LAMA2: variants seen among roughly 807,000 people sequenced by gnomAD.
LAMA2 encodes laminin subunit alpha-2.
A neutral mutation model predicts 364.8 loss-of-function variants in LAMA2; 269 were observed. The observed-to-expected ratio is 0.74, with a 90% CI of 0.67 to 0.82. The LOEUF (loss-of-function observed/expected upper bound fraction) is 0.82. LAMA2 is among the 40% of genes least tolerant of loss of function. The probability of loss-of-function intolerance (pLI) is 0.00; values close to 1 mark genes in which losing one functional copy is unlikely to be tolerated. For synonymous variants in LAMA2, 1,379 were observed against 1,370.6 expected (o/e 1.01, Z -0.14); for missense variants, 3,807 against 3,873.2 (o/e 0.98, Z 0.45).
chr6:129,310,262 A>G (rs1048414551), intron 22 of LAMA2, among the ~76,000 whole-genome samples: 7 of 152,226 alleles, frequency 4.6e-5, no homozygotes, highest in Non-Finnish European at 8.8e-5. Flanking sequence ...ATGAAAGACA[A>G]TAGAGGAGGA....
chr6:129,398,201 C>G (rs1463139073), intron 37 of LAMA2, among the ~76,000 whole-genome samples: 1 of 152,120 alleles, frequency 6.6e-6, no homozygotes, highest in Non-Finnish European at 1.5e-5. Flanking sequence ...TCTGTACATG[C>G]TATACTTTAA....
intron 9 of LAMA2, among the ~76,000 whole-genome samples, chr6:129,175,057 C>T (rs1309974356): frequency 6.6e-6 from 1 of 152,190 alleles, no homozygotes; most frequent in Non-Finnish European, 1.5e-5. Context: ...CCTTTGCAAA[C>T]TTTATTAAAA....
At chr6:128,969,442 A>AT (rs1298091138) in intron 1 of LAMA2, among the ~76,000 whole-genome samples, 20 of 151,922 alleles carry the variant, frequency 1.3e-4, no homozygotes, top group Non-Finnish European at 2.9e-4. Context: ...ATTTATTTTT[A>AT]TTTTTTTGAA....
chr6:129,162,309 T>C (rs567779423), intron 8 of LAMA2, among the ~76,000 whole-genome samples: 2 of 152,322 alleles, frequency 1.3e-5, no homozygotes, highest in Non-Finnish European at 2.9e-5. Context: ...AATGTTGTCA[T>C]TTTTGTTTGA....
At position 129,288,117 on chromosome 6, in the gene LAMA2, T is replaced by C. The variant is rs936601338; in HGVS notation, c.2749+59T>C. The stretch of plus-strand genomic sequence containing the variant: ...TTGATGTATTGTACCTCAAAGTAGC[T>C]GATGAGTTCTTGAGTGTGGATTGAA... On this transcript the variant is annotated intron_variant, in intron 19 of 64. Transcript: ENST00000421865. The C allele has an allele frequency of 5.4e-5, 76 of 1,414,744 alleles. No homozygotes were observed. The African/African-American group carries it at 9.0e-4, about 17-fold the overall frequency. 87.6% of individuals were successfully genotyped at this position (1,414,744 alleles called of 1,614,324 possible). A position where few individuals can be genotyped will look rare whatever the true frequency, so the allele number is the denominator to read the frequency against.
chr6:129,265,348 C>T (rs775991273), intron 15 of LAMA2, among the ~76,000 whole-genome samples: 2 of 152,026 alleles, frequency 1.3e-5, no homozygotes, highest in African/African-American at 4.8e-5. Flanking sequence ...AGAAAGAAGA[C>T]GTGGTATGAG....
intron 4 of LAMA2, among the ~76,000 whole-genome samples, chr6:129,102,969 C>G (rs1047958410): frequency 1.3e-5 from 2 of 152,174 alleles, no homozygotes; most frequent in Non-Finnish European, 2.9e-5. Context: ...TTACGAAAGT[C>G]CCACCCATGC....
chr6:129,152,634 G>A (rs1778873639), intron 7 of LAMA2, among the ~76,000 whole-genome samples: 1 of 152,162 alleles, frequency 6.6e-6, no homozygotes, highest in Non-Finnish European at 1.5e-5. Flanking sequence ...GTACTAAAGT[G>A]ATGCTAGGAC....
intron 63 of LAMA2, among the ~76,000 whole-genome samples, chr6:129,513,130 A>G (rs1786734840): frequency 6.6e-6 from 1 of 152,196 alleles, no homozygotes; most frequent in Non-Finnish European, 1.5e-5. Flanking sequence ...CAAGTTTTCT[A>G]TTTGGTTATT....
At chr6:129,145,650 A>G (rs1778388491) in intron 5 of LAMA2, among the ~76,000 whole-genome samples, 1 of 151,910 alleles carries the variant, frequency 6.6e-6, no homozygotes, top group South Asian at 2.1e-4. Context: ...TGGGGTACAC[A>G]TCTATTATTT....
At chr6:129,098,840 T>A (rs1583038985) in intron 4 of LAMA2, among the ~76,000 whole-genome samples, 1 of 152,156 alleles carries the variant, frequency 6.6e-6, no homozygotes, top group Non-Finnish European at 1.5e-5. Context: ...TGAAAAGTAA[T>A]TCTTTCAATC....
At chr6:129,127,604 T>C (rs1430578357) in intron 4 of LAMA2, among the ~76,000 whole-genome samples, 1 of 152,240 alleles carries the variant, frequency 6.6e-6, no homozygotes, top group Admixed American at 6.5e-5. Flanking sequence ...CATGTAGTTT[T>C]CCATAATGGC....
chr6:129,120,520 A>T (rs1326764917), intron 4 of LAMA2, among the ~76,000 whole-genome samples: 3 of 152,190 alleles, frequency 2.0e-5, no homozygotes, highest in Non-Finnish European at 4.4e-5. Context: ...GGGGTTTCAG[A>T]TTTAAAAATC....
chr6:128,971,544 AAG>A (rs1460315859), intron 1 of LAMA2, among the ~76,000 whole-genome samples: 3 of 152,180 alleles, frequency 2.0e-5, no homozygotes, highest in Non-Finnish European at 4.4e-5. Flanking sequence ...GGTATTAAAT[AAG>A]AGAGAAATTA....
intron 34 of LAMA2, among the ~76,000 whole-genome samples, chr6:129,376,171 C>T (rs1277740792): frequency 6.6e-6 from 1 of 152,186 alleles, no homozygotes; most frequent in Admixed American, 6.5e-5. Flanking sequence ...TCTCATCTCT[C>T]CCCACTACTC....
At chr6:129,098,559 A>T in intron 4 of LAMA2, 144 bp downstream of exon 4, 2 of 962,002 alleles carry the variant, frequency 2.1e-6, no homozygotes, top group Non-Finnish European at 3.1e-6. Flanking sequence ...TTATTAAATA[A>T]AAAAGAAAAA....
At chr6:128,888,186 A>G (rs1288535241) in intron 1 of LAMA2, among the ~76,000 whole-genome samples, 1 of 152,206 alleles carries the variant, frequency 6.6e-6, no homozygotes, top group Non-Finnish European at 1.5e-5. Flanking sequence ...CAGGCTTAGT[A>G]TATACCAAGC....
At chr6:129,373,007 T>G (rs192256681) in intron 34 of LAMA2, among the ~76,000 whole-genome samples, 2 of 152,212 alleles carry the variant, frequency 1.3e-5, no homozygotes, top group Non-Finnish European at 2.9e-5. Flanking sequence ...CTTGTCGAAT[T>G]CAGAGTTTTT....
chr6:129,335,255 A>T (rs1001574626), intron 29 of LAMA2, among the ~76,000 whole-genome samples: 1 of 151,988 alleles, frequency 6.6e-6, no homozygotes, highest in Admixed American at 6.6e-5. Flanking sequence ...AAGAAAAAAA[A>T]TTTTTTTGAA....
Sources: allele counts gnomAD v4.1 joint callset (sites outside exome capture counted in the v4.1 genomes callset), GRCh38; gene constraint gnomAD v4.1.1; transcripts MANE v1.5; gene names NCBI Gene and HGNC (gene_info 2026-07-23, HGNC 2026-07-21).